SKAP2: variants seen among roughly 807,000 people sequenced by gnomAD.
SKAP2 encodes src kinase associated phosphoprotein 2, also known as src kinase-associated phosphoprotein 2.
SKAP2 carries 28 observed loss-of-function variants against 54.9 expected under a neutral mutation model. The ratio of observed to expected loss-of-function variants is 0.51; its 90% CI spans 0.38 to 0.70. SKAP2 has a LOEUF of 0.70. Ranked by LOEUF, SKAP2 falls within the 30% of genes least tolerant of loss-of-function variation. The probability of loss-of-function intolerance (pLI) is 0.00; values close to 1 mark genes in which losing one functional copy is unlikely to be tolerated. For missense variants in SKAP2, 356 were observed against 424.1 expected (o/e 0.84, Z 1.41); for synonymous variants, 137 against 134.3 (o/e 1.02, Z -0.14).
At chr7:26,795,233 A>G (rs1241074372) in intron 4 of SKAP2, among the ~76,000 whole-genome samples, 1 of 152,232 alleles carries the variant, frequency 6.6e-6, no homozygotes, top group Non-Finnish European at 1.5e-5. Context: ...TGCAATAGGT[A>G]AACTTCAGTA....
chr7:26,751,271 A>C (rs907502767), intron 4 of SKAP2, among the ~76,000 whole-genome samples: 1 of 152,164 alleles, frequency 6.6e-6, no homozygotes, highest in Non-Finnish European at 1.5e-5. Context: ...AATATGAATA[A>C]ATAAACAAGA....
intron 4 of SKAP2, among the ~76,000 whole-genome samples, chr7:26,813,601 G>A (rs1011020454): frequency 1.3e-5 from 2 of 152,156 alleles, no homozygotes; most frequent in East Asian, 1.9e-4. Context: ...CAGCAATGCC[G>A]CTGGCTTGGG....
intron 4 of SKAP2, among the ~76,000 whole-genome samples, chr7:26,815,778 G>A (rs144756224): frequency 1.3e-5 from 2 of 152,114 alleles, no homozygotes; most frequent in East Asian, 3.9e-4. Context: ...ATTTTTCAAG[G>A]TTTAAGTAGC....
At chr7:26,857,817 G>C in intron 1 of SKAP2, 1 of 807,152 alleles carries the variant, frequency 1.2e-6, no homozygotes, top group Non-Finnish European at 1.5e-6. Flanking sequence ...TCCTCTGGCT[G>C]GTTGGAGAAG....
intron 3 of SKAP2, among the ~76,000 whole-genome samples, chr7:26,852,258 T>C (rs957127419): frequency 6.6e-6 from 1 of 152,212 alleles, no homozygotes; most frequent in African/African-American, 2.4e-5. Context: ...TAAATTCCTA[T>C]TTTTAAAAAA....
intron 9 of SKAP2, among the ~76,000 whole-genome samples, chr7:26,714,828 T>C (rs1188596499): frequency 1.3e-5 from 2 of 152,234 alleles, no homozygotes; most frequent in Non-Finnish European, 2.9e-5. Flanking sequence ...AACTTTATCA[T>C]ATTCTATCTT....
chr7:26,787,321 GT>G (rs57866747), intron 4 of SKAP2, among the ~76,000 whole-genome samples: 49,810 of 147,606 alleles, frequency 0.34, 8,367 homozygotes, highest in Middle Eastern at 0.39. Flanking sequence ...CCTCAAGATG[GT>G]TTTTTTTTTT....
intron 9 of SKAP2, among the ~76,000 whole-genome samples, chr7:26,700,173 T>C (rs1709358752): frequency 6.6e-6 from 1 of 152,160 alleles, no homozygotes; most frequent in Non-Finnish European, 1.5e-5. Context: ...TAATTAGCAC[T>C]CTTTGGACAC....
chr7:26,795,705 G>C (rs568974505), intron 4 of SKAP2, among the ~76,000 whole-genome samples: 2 of 152,204 alleles, frequency 1.3e-5, no homozygotes, highest in South Asian at 4.1e-4. Context: ...AAATGATAAG[G>C]GAAGCAGGCA....
the SKAP2 span, among the ~76,000 whole-genome samples, chr7:26,657,147 TAATA>T: frequency 6.6e-6 from 1 of 152,342 alleles, no homozygotes; most frequent in Admixed American, 6.5e-5. Flanking sequence ...CTAAATCTAT[TAATA>T]TTTTCAAAGA....
chr7:26,800,317 A>G (rs1241133644), intron 4 of SKAP2, among the ~76,000 whole-genome samples: 1 of 152,178 alleles, frequency 6.6e-6, no homozygotes, highest in Non-Finnish European at 1.5e-5. Flanking sequence ...AATTTCTTCA[A>G]ACAAATGATA....
chr7:26,862,249 C>T (rs926489670), intron 1 of SKAP2, among the ~76,000 whole-genome samples: 5 of 151,976 alleles, frequency 3.3e-5, no homozygotes, highest in Admixed American at 1.3e-4. Context: ...ATTCTTGAAG[C>T]GTTCTCTACC....
At chr7:26,805,257 A>C (rs568224896) in intron 4 of SKAP2, among the ~76,000 whole-genome samples, 1 of 152,358 alleles carries the variant, frequency 6.6e-6, no homozygotes, top group Admixed American at 6.5e-5. Flanking sequence ...TATGTACAGA[A>C]AATGTCTCTA....
At chr7:26,819,228 A>T (rs1334743235) in intron 4 of SKAP2, among the ~76,000 whole-genome samples, 1 of 152,188 alleles carries the variant, frequency 6.6e-6, no homozygotes. Flanking sequence ...TACACCATGC[A>T]ATACTATGCA....
intron 4 of SKAP2, among the ~76,000 whole-genome samples, chr7:26,796,626 T>C (rs1729661167): frequency 6.6e-6 from 1 of 152,236 alleles, no homozygotes; most frequent in South Asian, 2.1e-4. Flanking sequence ...GGACAGATAA[T>C]CGATTGCATA....
chr7:26,722,185 G>A (rs942158248), intron 9 of SKAP2, among the ~76,000 whole-genome samples: 2 of 152,112 alleles, frequency 1.3e-5, no homozygotes, highest in African/African-American at 4.8e-5. Flanking sequence ...TTGTACATAT[G>A]TATAAATCCC....
chr7:26,814,563 C>CAAAAAAA (rs397889100), intron 4 of SKAP2, among the ~76,000 whole-genome samples: 1 of 90,200 alleles, frequency 1.1e-5, no homozygotes, highest in Non-Finnish European at 2.3e-5. Context: ...CTTACACCAG[C>CAAAAAAA]AAAAAAAAAA....
At chr7:26,713,291 C>T (rs1458113855) in intron 9 of SKAP2, among the ~76,000 whole-genome samples, 1 of 152,218 alleles carries the variant, frequency 6.6e-6, no homozygotes, top group Non-Finnish European at 1.5e-5. Context: ...TCACATTATC[C>T]TCTTATCTTG....
chr7:26,800,546 A>G (rs548705063), intron 4 of SKAP2, among the ~76,000 whole-genome samples: 7 of 152,284 alleles, frequency 4.6e-5, no homozygotes, highest in Non-Finnish European at 8.8e-5. Flanking sequence ...TTAAAAAAAT[A>G]CAAAAGATCA....
Sources: allele counts gnomAD v4.1 joint callset (sites outside exome capture counted in the v4.1 genomes callset), GRCh38; gene constraint gnomAD v4.1.1; transcripts MANE v1.5; gene names NCBI Gene and HGNC (gene_info 2026-07-23, HGNC 2026-07-21).